Variants in SYCP1 observed in about 807,000 individuals in gnomAD.
SYCP1 encodes cancer/testis antigen 8.
Under a neutral mutation model 153.1 loss-of-function variants are expected in SYCP1, and 64 were observed. The ratio of observed to expected loss-of-function variants is 0.42; its 90% CI spans 0.34 to 0.51. The LOEUF (loss-of-function observed/expected upper bound fraction) is 0.51, where lower values mean the gene tolerates loss of function less well. Ranked by LOEUF, SYCP1 falls within the 20% of genes least tolerant of loss-of-function variation. The probability of loss-of-function intolerance (pLI) is 0.06; values close to 1 mark genes in which losing one functional copy is unlikely to be tolerated. For missense variants in SYCP1, 997 were observed against 1,049.0 expected (o/e 0.95, Z 0.68); for synonymous variants, 384 against 341.8 (o/e 1.12, Z -1.36).
chr1:114,945,749 T>C (rs1046349584), intron 25 of SYCP1, among the ~76,000 whole-genome samples: 2 of 151,364 alleles, frequency 1.3e-5, no homozygotes, highest in African/African-American at 4.8e-5. Flanking sequence ...CTTTGAGTTA[T>C]GACAAAATGT....
intron 29 of SYCP1, among the ~76,000 whole-genome samples, chr1:114,983,931 T>G (rs1053195010): frequency 6.6e-6 from 1 of 151,782 alleles, no homozygotes; most frequent in African/African-American, 2.4e-5. Context: ...TTTTTGTTTT[T>G]GCTCTGTTGC....
At position 114,911,458 on chromosome 1, in the gene SYCP1, TTA is replaced by T; in HGVS notation, c.1426-15_1426-14del. The stretch of plus-strand genomic sequence containing the variant: ...AAAATTCGAAAAACACTTGCCATAG[TTA>T]TATATGTTTATTTTGCAGAAAGAAG... On this transcript the variant is annotated intron_variant, in intron 17 of 31. Transcript: ENST00000369522. 6.6e-7 allele frequency: 1 copy of T among 1,504,908 alleles called. No homozygotes were observed. The highest frequency in any genetic ancestry group is 1.4e-5 in the African/African-American group (1 of 69,628). The allele number at this position is 1,504,908 out of a possible 1,614,324, so 93.2% of individuals were successfully genotyped here.
intron 27 of SYCP1, among the ~76,000 whole-genome samples, chr1:114,971,357 G>T (rs1466962703): frequency 6.6e-6 from 1 of 152,086 alleles, no homozygotes; most frequent in East Asian, 1.9e-4. Flanking sequence ...TCCCTCTGAT[G>T]CTTTGTACAG....
chr1:114,950,391 A>G (rs1192581810), intron 27 of SYCP1, among the ~76,000 whole-genome samples: 1 of 152,196 alleles, frequency 6.6e-6, no homozygotes, highest in Non-Finnish European at 1.5e-5. Flanking sequence ...CATTGATATA[A>G]GGATTTATTG....
intron 27 of SYCP1, among the ~76,000 whole-genome samples, chr1:114,955,295 G>A (rs892509509): frequency 6.6e-6 from 1 of 152,168 alleles, no homozygotes; most frequent in Non-Finnish European, 1.5e-5. Flanking sequence ...GAGAGAGAGA[G>A]AGAGGGCACT....
chr1:114,871,154 C>T (rs1031166616), intron 8 of SYCP1, among the ~76,000 whole-genome samples: 1 of 151,920 alleles, frequency 6.6e-6, no homozygotes, highest in South Asian at 2.1e-4. Flanking sequence ...ATAATTCTTT[C>T]CTCCCATCTT....
rs1673380215 is a variant in SYCP1, at chr1:114,984,647, A to G, written c.2560-78A>G. The G allele has an allele frequency of 1.3e-5, 16 of 1,186,782 alleles. No individual in the cohort carries two copies. The South Asian group carries it at 5.6e-4, about 42-fold the overall frequency. 73.5% of individuals were successfully genotyped at this position (1,186,782 alleles called of 1,614,324 possible). A position where few individuals can be genotyped will look rare whatever the true frequency, so the allele number is the denominator to read the frequency against. On this transcript the variant is annotated intron_variant, in intron 29 of 31. Transcript: ENST00000369522. The stretch of plus-strand genomic sequence containing the variant: ...ATTGCTAAGGACTCAAATTGCCTTA[A>G]AATTATTTGTGAAACCCTTTATTAA...
chr1:114,885,676 A>C, intron 13 of SYCP1, 47 bp downstream of exon 13: 1 of 1,080,342 alleles, frequency 9.3e-7, no homozygotes. Flanking sequence ...CACCCTATCA[A>C]TCAGTCAACA....
At chr1:114,920,013 A>G (rs979162236) in intron 20 of SYCP1, among the ~76,000 whole-genome samples, 1 of 150,996 alleles carries the variant, frequency 6.6e-6, no homozygotes, top group Non-Finnish European at 1.5e-5. Flanking sequence ...TCTGATCTTT[A>G]TTATTCTCTT....
rs182936594 is a variant in SYCP1 at position 114,972,558 on chromosome 1, C to T, written c.2323-4999C>T. On this transcript the variant is annotated intron_variant, in intron 27 of 31. Coordinates refer to ENST00000369522, the MANE Select transcript of SYCP1 (RefSeq NM_003176.4). ...GGTGTTTATAGCTATATACATCCCT[C>T]TTAGTACTGCATTTGCTGTATCCTT... Among the ~76,000 whole-genome samples the T allele has an allele frequency of 1.6e-4, 25 of 152,202 alleles. No homozygotes were observed. The East Asian group carries it at 3.3e-3, about 20-fold the overall frequency.
chr1:114,923,235 ATATTT>A lies in SYCP1; in HGVS notation c.1719-211_1719-207del, dbSNP rs546088615. 2.6e-3 allele frequency among the ~76,000 whole-genome samples: 392 copies of A among 152,310 alleles called. 2 individuals carry two copies. The highest frequency in any genetic ancestry group is 4.0e-3 in the Non-Finnish European group (271 of 68,004). On this transcript the variant is annotated intron_variant, in intron 20 of 31. Transcript: ENST00000369522. ...ATTATTTTCTAAACAACTTGTTTTT[ATATTT>A]TAAGTTTCTGTTTAATCCATTAGTA...
intron 2 of SYCP1, 63 bp downstream of exon 2, chr1:114,855,635 A>T: frequency 7.9e-7 from 1 of 1,272,792 alleles, no homozygotes; most frequent in South Asian, 1.3e-5. Context: ...AGAAAAGTGT[A>T]CTTTCTTCCT....
chr1:114,858,432 A>T, intron 5 of SYCP1, 115 bp from the exon 6 acceptor site: 1 of 801,126 alleles, frequency 1.2e-6, no homozygotes, highest in Non-Finnish European at 1.9e-6. Flanking sequence ...ATTAGTGCTT[A>T]AATTGAGGAG....
intron 27 of SYCP1, 52 bp downstream of exon 27, chr1:114,947,372 T>C (rs1374192428): frequency 7.5e-7 from 1 of 1,331,384 alleles, no homozygotes; most frequent in Non-Finnish European, 1.1e-6. Flanking sequence ...AGGGGCAACT[T>C]TGCATTTTTA....
intron 21 of SYCP1, among the ~76,000 whole-genome samples, chr1:114,924,700 C>A (rs549328336): frequency 6.6e-6 from 1 of 151,716 alleles, no homozygotes; most frequent in African/African-American, 2.4e-5. Flanking sequence ...TTCATTGTAA[C>A]TAAAAGATGG....
chr1:114,860,971 C>A (rs1024353100), intron 8 of SYCP1, among the ~76,000 whole-genome samples, 162 bp downstream of exon 8: 2 of 152,090 alleles, frequency 1.3e-5, no homozygotes, highest in Non-Finnish European at 2.9e-5. Flanking sequence ...AATCACAGTT[C>A]TTTGACTTTT....
chr1:114,973,873 G>A (rs1411211593), intron 27 of SYCP1, among the ~76,000 whole-genome samples: 1 of 151,756 alleles, frequency 6.6e-6, no homozygotes, highest in Non-Finnish European at 1.5e-5. Flanking sequence ...AAGGAGTTAA[G>A]GGTTCTATTA....
intron 30 of SYCP1, among the ~76,000 whole-genome samples, chr1:114,993,413 A>G (rs1260323503): frequency 6.6e-6 from 1 of 151,560 alleles, no homozygotes; most frequent in Non-Finnish European, 1.5e-5. Flanking sequence ...ATTGTGTTTC[A>G]TATTCATTAA....
intron 30 of SYCP1, among the ~76,000 whole-genome samples, chr1:114,991,946 C>T (rs1334711788): frequency 1.3e-5 from 2 of 151,736 alleles, no homozygotes; most frequent in African/African-American, 4.8e-5. Context: ...TAAATAAATT[C>T]AGCAAAGTTG....
Sources: allele counts gnomAD v4.1 joint callset (sites outside exome capture counted in the v4.1 genomes callset), GRCh38; gene constraint gnomAD v4.1.1; transcripts MANE v1.5; gene names NCBI Gene and HGNC (gene_info 2026-07-23, HGNC 2026-07-21).